ELOB: variants seen among roughly 807,000 people sequenced by gnomAD.
ELOB encodes elongin B.
A neutral mutation model predicts 12.9 loss-of-function variants in ELOB; 3 were observed. The observed-to-expected ratio is 0.23, with a 90% CI of 0.11 to 0.60. ELOB has a LOEUF of 0.60. Among genes scored for constraint, ELOB ranks in the 20% least tolerant of loss-of-function variants. ELOB has a pLI of 0.89. For missense variants in ELOB, 126 were observed against 159.2 expected (o/e 0.79, Z 1.12); for synonymous variants, 84 against 67.4 (o/e 1.25, Z -1.21).
At chr16:2,776,849 C>G in intron 2 of ELOB, 144 bp downstream of exon 2, 2 of 1,196,066 alleles carry the variant, frequency 1.7e-6, no homozygotes, top group Non-Finnish European at 2.2e-6. Flanking sequence ...TCGCGCTTCA[C>G]CCGCACAACG....
At chr16:2,775,639 CAG>C (rs1331900646) in intron 2 of ELOB, 83 bp from the exon 3 acceptor site, 1 of 1,111,586 alleles carries the variant, frequency 9.0e-7, no homozygotes, top group African/African-American at 1.5e-5. Flanking sequence ...CACGGGAAGT[CAG>C]AGGAGGGAAG....
chr16:2,775,226 C>T lies in ELOB; in HGVS notation c.244+225G>A, dbSNP rs902701642. 2.0e-5 allele frequency among the ~76,000 whole-genome samples: 3 copies of T among 150,958 alleles called. No homozygotes were observed. In the South Asian group the frequency reaches 6.3e-4, roughly 31 times the overall value. On this transcript the variant is annotated intron_variant, in intron 3 of 3. Transcript: ENST00000409906. ...CTCCTGTAAATGTGAGCTGGCTTCA[C>T]AAAATAAGCTTTGGTTTCTGTAAGC...
In ELOB at chr16:2,777,126, T is replaced by A. The variant is rs777426221; in HGVS notation, c.5A>T (p.Asp2Val). 1 of 1,525,868 alleles carries A rather than the reference T, an allele frequency of 6.6e-7. No individual in the cohort carries two copies. Among genetic ancestry groups the A allele is most frequent in the Non-Finnish European group, 8.8e-7 (1 of 1,134,338 alleles). The allele number at this position is 1,525,868 out of a possible 1,614,324, so 94.5% of individuals were successfully genotyped here. A position where few individuals can be genotyped will look rare whatever the true frequency, so the allele number is the denominator to read the frequency against. ...GTGGCGCCGGATCATGAGGAACACG[T>A]CCTGGGGGCGGCGGGCCGGCGTGAG... M[D>V]VFLMIRRHKT... Residue 2 changes from aspartate to valine, a missense_variant and splice_region_variant, in exon 2 of 4, where the codon GAC becomes GTC. Physicochemically the swap from Asp to Val is radical, Grantham distance 152 (BLOSUM62 -3). Transcript: ENST00000409906.
chr16:2,773,409 C>G (rs746217942), intron 3 of ELOB, among the ~76,000 whole-genome samples: 44 of 152,154 alleles, frequency 2.9e-4, no homozygotes, highest in Admixed American at 6.5e-4. Flanking sequence ...AAACCTGTGA[C>G]AATTCGTGCC....
Position 2,776,898 on chromosome 16 carries a change from G to A in ELOB, c.138+95C>T, listed in dbSNP as rs1028075300. 3.0e-5 allele frequency: 42 copies of A among 1,422,968 alleles called. No individual in the cohort carries two copies. The African/African-American group carries it at 5.0e-4, about 17-fold the overall frequency. The allele number at this position is 1,422,968 out of a possible 1,614,324, so 88.1% of individuals were successfully genotyped here. On this transcript the variant is annotated intron_variant, in intron 2 of 3. Transcript: ENST00000409906. ...CGCGGCTCGGGCGCCCGCAGGCGTCGCCGGCCGCTACTGTTTACATCGCGG... is the reference window on the plus strand; with the variant it reads ...CGCGGCTCGGGCGCCCGCAGGCGTCACCGGCCGCTACTGTTTACATCGCGG...
At chr16:2,775,592 C>A (rs756514597) in intron 2 of ELOB, 36 bp from the exon 3 acceptor site, 136 of 1,574,156 alleles carry the variant, frequency 8.6e-5, no homozygotes, top group Non-Finnish European at 1.1e-4. Context: ...AGAGGCCCTA[C>A]ATGGGGCAAG....
rs1036434058 is a variant in ELOB, at chr16:2,773,129, G to C, written c.245-1027C>G. On this transcript the variant is annotated intron_variant, in intron 3 of 3. Coordinates refer to ENST00000409906, the MANE Select transcript of ELOB (RefSeq NM_007108.4). Reference sequence around the variant, plus strand: ...CCAACACACAGCAAACAAACCCACAGCTTTTCTCCTGTGCTTTCTTCCAGC... The same window carrying C: ...CCAACACACAGCAAACAAACCCACACCTTTTCTCCTGTGCTTTCTTCCAGC... 2.0e-5 allele frequency among the ~76,000 whole-genome samples: 3 copies of C among 152,098 alleles called. 1 individual carries two copies. The highest frequency in any genetic ancestry group is 4.1e-4 in the South Asian group (2 of 4,824).
chr16:2,776,831 A>G (rs576730111), intron 2 of ELOB, among the ~76,000 whole-genome samples, 162 bp downstream of exon 2: 2 of 151,806 alleles, frequency 1.3e-5, no homozygotes, highest in East Asian at 3.9e-4. Flanking sequence ...CCCCGCGGCG[A>G]GCGCAGCTCG....
chr16:2,776,850 C>T, intron 2 of ELOB, 143 bp downstream of exon 2: 2 of 1,201,736 alleles, frequency 1.7e-6, no homozygotes, highest in Non-Finnish European at 2.2e-6. Flanking sequence ...CGCGCTTCAC[C>T]CGCACAACGG....
At chr16:2,773,237 G>T (rs1244839257) in intron 3 of ELOB, among the ~76,000 whole-genome samples, 2 of 152,058 alleles carry the variant, frequency 1.3e-5, no homozygotes, top group African/African-American at 4.8e-5. Flanking sequence ...TCACAGTTGT[G>T]GCGGTCACAA....
At chr16:2,776,871 C>T in intron 2 of ELOB, 122 bp downstream of exon 2, 1 of 1,355,650 alleles carries the variant, frequency 7.4e-7, no homozygotes, top group Non-Finnish European at 9.8e-7. Flanking sequence ...ATGTCCCAGT[C>T]CCGCGGCTCG....
chr16:2,777,246 T>G lies in ELOB; in HGVS notation c.-7A>C. 9.8e-7 allele frequency: 1 copy of G among 1,022,810 alleles called. No individual in the cohort carries two copies. The highest frequency in any genetic ancestry group is 1.8e-5 in the African/African-American group (1 of 57,048). 63.4% of individuals were successfully genotyped at this position (1,022,810 alleles called of 1,614,324 possible). ...CCCCACGCCCGCTCACCATCGCGGC[T>G]GCTGCCTCTCCCCTCGACGCGCCGG... On this transcript the variant is annotated 5_prime_UTR_variant, in exon 1 of 4. Coordinates refer to ENST00000409906, the MANE Select transcript of ELOB (RefSeq NM_007108.4).
chr16:2,776,459 G>A (rs1273306287), intron 2 of ELOB, among the ~76,000 whole-genome samples: 2 of 152,218 alleles, frequency 1.3e-5, no homozygotes, highest in East Asian at 1.9e-4. Context: ...TCGTTTGCAA[G>A]GGGAAAGGGG....
At position 2,771,486 on chromosome 16, in the gene ELOB, G is replaced by C; in HGVS notation, c.*504C>G. On this transcript the variant is annotated 3_prime_UTR_variant, in exon 4 of 4. Transcript: ENST00000409906. ...TCCCTCCGTGATTACAGCCCCCAGC[G>C]TGGGTGGACCTGTGTGGGTCCGTCT... 6.2e-7 allele frequency: 1 copy of C among 1,614,240 alleles called. No individual in the cohort carries two copies. The highest frequency in any genetic ancestry group is 8.5e-7 in the Non-Finnish European group (1 of 1,180,038).
chr16:2,775,827 T>C (rs138809828), intron 2 of ELOB, among the ~76,000 whole-genome samples: 71 of 152,344 alleles, frequency 4.7e-4, no homozygotes, highest in African/African-American at 1.5e-3. Context: ...TATCTGGAGA[T>C]AGGCAGACCT....
chr16:2,776,343 T>C (rs2068799883), intron 2 of ELOB, among the ~76,000 whole-genome samples: 1 of 152,170 alleles, frequency 6.6e-6, no homozygotes, highest in African/African-American at 2.4e-5. Flanking sequence ...ACAATGCACT[T>C]GGGCGACAAC....
chr16:2,776,157 G>T (rs1239118506), intron 2 of ELOB, among the ~76,000 whole-genome samples: 1 of 152,222 alleles, frequency 6.6e-6, no homozygotes, highest in Non-Finnish European at 1.5e-5. Context: ...GAGCTAGGAA[G>T]AAACATAAAG....
At chr16:2,776,926 A>G in intron 2 of ELOB, 67 bp downstream of exon 2, 1 of 1,493,424 alleles carries the variant, frequency 6.7e-7, no homozygotes, top group Non-Finnish European at 9.0e-7. Context: ...CATCGCGGAC[A>G]GCGTAGGCGT....
In ELOB at chr16:2,776,401, C is replaced by T. The variant is rs1356641309; in HGVS notation, c.138+592G>A. 5.3e-5 allele frequency among the ~76,000 whole-genome samples: 8 copies of T among 152,306 alleles called. No individual in the cohort carries two copies. The East Asian group carries it at 1.4e-3, about 26-fold the overall frequency. ...ATCAGAGGCTGATGCATCTGACTCCCCAATGCAGACCCCAAACCCCAAGCC... is the reference window on the plus strand; with the variant it reads ...ATCAGAGGCTGATGCATCTGACTCCTCAATGCAGACCCCAAACCCCAAGCC... On this transcript the variant is annotated intron_variant, in intron 2 of 3. Transcript: ENST00000409906.
Sources: gnomAD v4.1 joint callset for allele counts (sites outside exome capture counted in the v4.1 genomes callset) on GRCh38, gnomAD v4.1.1 for gene constraint, MANE v1.5 for transcripts, NCBI Gene and HGNC (gene_info 2026-07-23, HGNC 2026-07-21) for gene names.